Variants in HEPH observed in about 807,000 individuals in gnomAD.
HEPH encodes hephaestin.
In HEPH, 69 loss-of-function variants were observed where a neutral mutation model predicts 80.8. The ratio of observed to expected loss-of-function variants is 0.85; its 90% CI spans 0.70 to 1.04. HEPH has a LOEUF of 1.04. HEPH is among the 50% of genes least tolerant of loss of function. The pLI, the probability that HEPH is intolerant of heterozygous loss-of-function variation, is 0.00. For missense variants in HEPH, 1,115 were observed against 891.3 expected, an observed-to-expected ratio of 1.25 and a Z score of -3.20; for synonymous variants, 431 against 322.8, an observed-to-expected ratio of 1.34 and a Z score of -3.60.
At chrX:66,186,523 T>C (rs1321874565) in intron 4 of HEPH, among the ~76,000 whole-genome samples, 2 of 113,060 alleles carry the variant, frequency 1.8e-5, no homozygotes, top group African/African-American at 6.4e-5. Flanking sequence ...TGACCCCTTG[T>C]GCTTCCCGGT....
intron 15 of HEPH, among the ~76,000 whole-genome samples, chrX:66,213,222 C>T (rs1173304870): frequency 9.8e-6 from 1 of 102,192 alleles, no homozygotes; most frequent in Non-Finnish European, 2.0e-5. Flanking sequence ...GTGTGATGTT[C>T]CCCTTCCTGT....
At chrX:66,200,277 G>A (rs1444780916) in intron 11 of HEPH, among the ~76,000 whole-genome samples, 1 of 69,805 alleles carries the variant, frequency 1.4e-5, no homozygotes, top group African/African-American at 1.5e-4. Flanking sequence ...TGTGTGTTTG[G>A]TAGTGGAGAA....
chrX:66,173,771 C>T lies in HEPH; in HGVS notation c.595C>T (p.Leu199=). 8.4e-7 allele frequency: 1 copy of T among 1,197,070 alleles called. No individual in the cohort carries two copies. Among genetic ancestry groups the T allele is most frequent in the Non-Finnish European group, 1.1e-6 (1 of 887,340 alleles). The change falls in exon 4 of 21, where the codon CTA becomes TTA. Residue 199 remains leucine, a synonymous_variant. Coordinates refer to ENST00000343002, the MANE Select transcript of HEPH (RefSeq NM_001367233.3). ...VDAPRDIATG[L]IGPLITCKRG... ...TGCTCCACGAGACATTGCAACTGGC[C>T]TAATTGGGCCTCTCATCACCTGTAA...
chrX:66,226,028 A>C (rs2089874605), intron 15 of HEPH, among the ~76,000 whole-genome samples: 1 of 111,379 alleles, frequency 9.0e-6, no homozygotes, highest in Non-Finnish European at 1.9e-5. Flanking sequence ...ATCTATTGAG[A>C]AAGCAGGGGG....
chrX:66,167,575 C>T (rs1206007605), intron 1 of HEPH, among the ~76,000 whole-genome samples: 2 of 112,014 alleles, frequency 1.8e-5, no homozygotes, highest in African/African-American at 3.2e-5. Context: ...TGGAATGAAC[C>T]GAGGACACTC....
chrX:66,204,666 T>G (rs2147818598), intron 13 of HEPH, among the ~76,000 whole-genome samples: 1 of 112,000 alleles, frequency 8.9e-6, no homozygotes, highest in South Asian at 3.7e-4. Flanking sequence ...TGATACTGAC[T>G]TTGAAAACAC....
chrX:66,218,623 A>G (rs1486606875), intron 15 of HEPH, among the ~76,000 whole-genome samples: 2 of 111,627 alleles, frequency 1.8e-5, no homozygotes, highest in Admixed American at 1.9e-4. Context: ...TTCGACTGAG[A>G]GCTTCAGCAA....
intron 17 of HEPH, 141 bp from the exon 18 acceptor site, chrX:66,258,699 A>G: frequency 2.3e-6 from 1 of 426,028 alleles, no homozygotes; most frequent in Non-Finnish European, 3.8e-6. Context: ...GGACAGATGG[A>G]AAAAAGATGA....
chrX:66,238,195 G>A (rs915269516), intron 15 of HEPH, among the ~76,000 whole-genome samples: 3 of 111,223 alleles, frequency 2.7e-5, no homozygotes, highest in Non-Finnish European at 5.7e-5. Context: ...CGTTAGTGTG[G>A]TTGCTTTATG....
At chrX:66,256,444 TG>T (rs1273902124) in intron 17 of HEPH, 114 bp downstream of exon 17, 3 of 520,131 alleles carry the variant, frequency 5.8e-6, no homozygotes, top group Non-Finnish European at 9.4e-6. Context: ...GACACGAACA[TG>T]GGAAGGTGAA....
chrX:66,237,887 T>A, intron 15 of HEPH, among the ~76,000 whole-genome samples: 1 of 112,360 alleles, frequency 8.9e-6, no homozygotes, highest in Non-Finnish European at 1.9e-5. Context: ...TACCTTTTCT[T>A]TCTTGATCTT....
chrX:66,175,841 C>A (rs1478025043), intron 4 of HEPH, among the ~76,000 whole-genome samples: 8 of 111,597 alleles, frequency 7.2e-5, no homozygotes, highest in Non-Finnish European at 1.5e-4. Flanking sequence ...TATAGAAGAG[C>A]TACTGATTTT....
At chrX:66,186,963 T>A (rs2087488078) in intron 4 of HEPH, among the ~76,000 whole-genome samples, 1 of 111,492 alleles carries the variant, frequency 9.0e-6, no homozygotes, top group Non-Finnish European at 1.9e-5. Flanking sequence ...TGGGTTAATT[T>A]GAAGACCTTG....
In HEPH at chrX:66,170,583, C is replaced by A; in HGVS notation, c.13C>A (p.His5Asn). 1 of 1,209,731 alleles carries A rather than the reference C, an allele frequency of 8.3e-7. No homozygotes were observed. Among genetic ancestry groups the A allele is most frequent in the African/African-American group, 1.7e-5 (1 of 57,598 alleles). ...AGTAATGTGGGCCATGGAGTCAGGC[C>A]ACCTCCTCTGGGCTCTGCTGTTCAT... is the stretch of plus-strand genomic sequence containing the variant. MESG[H>N]LLWALLFMQS... Residue 5 changes from histidine (H) to asparagine (N), a missense_variant, in exon 2 of 21, where the codon CAC (histidine) becomes AAC (asparagine). His to Asn is a moderately conservative substitution (Grantham distance 68). Around this residue, in one of 3 missense-constraint regions of HEPH, gnomAD observed 391 missense variants for 343.6 expected, o/e 1.14. Coordinates refer to ENST00000343002, the MANE Select transcript of HEPH (RefSeq NM_001367233.3).
At chrX:66,253,382 A>T (rs766790210) in intron 15 of HEPH, among the ~76,000 whole-genome samples, 261 of 112,591 alleles carry the variant, frequency 2.3e-3, no homozygotes, top group African/African-American at 8.1e-3. Context: ...ACCGTCAGAG[A>T]AATGGAAATC....
intron 9 of HEPH, among the ~76,000 whole-genome samples, chrX:66,196,372 A>G (rs1241891764): frequency 9.0e-6 from 1 of 111,681 alleles, no homozygotes; most frequent in Non-Finnish European, 1.9e-5. Context: ...TGATCATTGC[A>G]CTATTTTTTA....
At chrX:66,248,694 A>C (rs915133672) in intron 15 of HEPH, among the ~76,000 whole-genome samples, 1 of 112,295 alleles carries the variant, frequency 8.9e-6, no homozygotes, top group African/African-American at 3.2e-5. Flanking sequence ...TAGCACTTCA[A>C]ACTACAAAAG....
chrX:66,223,303 T>A (rs1024162374), intron 15 of HEPH, among the ~76,000 whole-genome samples: 4 of 111,812 alleles, frequency 3.6e-5, no homozygotes, highest in African/African-American at 1.3e-4. Flanking sequence ...GACTTTGTAG[T>A]CTTTGGTGCC....
intron 15 of HEPH, among the ~76,000 whole-genome samples, chrX:66,247,508 G>A (rs1207302592): frequency 9.1e-6 from 1 of 109,789 alleles, no homozygotes; most frequent in Non-Finnish European, 1.9e-5. Context: ...AATTTGTTTG[G>A]TTCCTTTTTA....
Sources: allele counts gnomAD v4.1 joint callset (sites outside exome capture counted in the v4.1 genomes callset), GRCh38; gene constraint gnomAD v4.1.1; regional missense constraint gnomAD v4.1.1; transcripts MANE v1.5; gene names NCBI Gene and HGNC (gene_info 2026-07-23, HGNC 2026-07-21).